The following EML1 variants were observed in gnomAD, a reference collection of about 807,000 sequenced individuals.
EML1 encodes EMAP like 1.
Under a neutral mutation model 110.4 loss-of-function variants are expected in EML1, and 27 were observed. The ratio of observed to expected loss-of-function variants is 0.24; its 90% CI spans 0.18 to 0.34. The LOEUF (loss-of-function observed/expected upper bound fraction) is 0.34. Among genes scored for constraint, EML1 ranks in the 10% least tolerant of loss-of-function variants. The pLI is 1.00. For synonymous variants in EML1, 344 were observed against 385.8 expected (o/e 0.89, Z 1.27); for missense variants, 741 against 1,030.9 (o/e 0.72, Z 3.85).
chr14:99,770,988 G>A (rs1454173822), upstream of EML1, among the ~76,000 whole-genome samples: 2 of 151,868 alleles, frequency 1.3e-5, no homozygotes, highest in African/African-American at 4.8e-5. Flanking sequence ...GTTTCACCAC[G>A]TTAGCCAGGA....
intron 1 of EML1, among the ~76,000 whole-genome samples, chr14:99,821,023 CTTTTTTTT>C (rs869159128): frequency 1.5e-5 from 2 of 133,874 alleles, no homozygotes; most frequent in African/African-American, 5.6e-5. Flanking sequence ...CTTACATTTA[CTTTTTTTT>C]TTTTTTTTTT....
In EML1 at chr14:99,936,624, A is replaced by C. The variant is rs992226739; in HGVS notation, c.2095+290A>C. 3.3e-5 allele frequency among the ~76,000 whole-genome samples: 5 copies of C among 152,124 alleles called. No individual in the cohort carries two copies. Among genetic ancestry groups the C allele is most frequent in the African/African-American group, 1.2e-4 (5 of 41,442 alleles). On this transcript the variant is annotated intron_variant, in intron 19 of 21. Transcript: ENST00000262233. The surrounding 1 kb of genome is among the most constrained non-coding windows in gnomAD (Gnocchi z 5.5). ...GGGGCTTGGGGCAGGCGGATGTGGC[A>C]GAAGGGGGCGGGTCCGGGTGGATGT...
At chr14:99,806,280 C>T (rs2057972399) in intron 1 of EML1, among the ~76,000 whole-genome samples, 1 of 151,354 alleles carries the variant, frequency 6.6e-6, no homozygotes, top group African/African-American at 2.4e-5. Flanking sequence ...CCTGCTCAGC[C>T]TCCTGTGTAA....
chr14:99,912,364 G>A (rs917725078), intron 13 of EML1, among the ~76,000 whole-genome samples: 6 of 152,010 alleles, frequency 3.9e-5, no homozygotes, highest in African/African-American at 7.2e-5. Flanking sequence ...CCTGCATTCC[G>A]GTAGGCACCA....
chr14:99,865,704 A>G, intron 3 of EML1, 58 bp downstream of exon 3: 9 of 1,570,148 alleles, frequency 5.7e-6, no homozygotes, highest in Non-Finnish European at 7.8e-6. Context: ...TTAGATTCCA[A>G]CATGAGTATT....
At chr14:99,925,330 G>A (rs1325977208) in intron 17 of EML1, among the ~76,000 whole-genome samples, 2 of 145,148 alleles carry the variant, frequency 1.4e-5, no homozygotes, top group African/African-American at 2.6e-5. Context: ...GCACAAACAC[G>A]GCACACTGCA....
intron 4 of EML1, among the ~76,000 whole-genome samples, chr14:99,885,277 CT>C (rs1329960738): frequency 3.9e-5 from 6 of 152,206 alleles, no homozygotes; most frequent in Admixed American, 2.0e-4. Flanking sequence ...TTACAGAAAC[CT>C]TCATGGTCCA....
At chr14:99,917,502 A>G (rs1394088649) in intron 15 of EML1, among the ~76,000 whole-genome samples, 2 of 152,140 alleles carry the variant, frequency 1.3e-5, no homozygotes, top group Admixed American at 1.3e-4. Context: ...TTGTGCTGCA[A>G]TAAGTCATGA....
chr14:99,851,430 C>T (rs1411494622), intron 2 of EML1, among the ~76,000 whole-genome samples: 1 of 152,132 alleles, frequency 6.6e-6, no homozygotes, highest in Non-Finnish European at 1.5e-5. Flanking sequence ...GCCTCAGCCC[C>T]ACGAGTAGCT....
chr14:99,865,449 C>G lies in EML1; in HGVS notation c.251-65C>G. 4 of 1,598,946 alleles carry G rather than the reference C, an allele frequency of 2.5e-6. No individual in the cohort carries two copies. The Admixed American group carries it at 5.1e-5, about 20-fold the overall frequency. On this transcript the variant is annotated intron_variant, in intron 2 of 21. Transcript: ENST00000262233. The stretch of plus-strand genomic sequence containing the variant: ...TCTTCCTAACAGGCAGTTGAGGACC[C>G]CTGCTGTAAAATGTTACCTTTGCAA...
chr14:99,803,099 A>G lies in EML1; in HGVS notation c.67+9556A>G, dbSNP rs1181448688. On this transcript the variant is annotated intron_variant, in intron 1 of 21. Transcript: ENST00000262233. ...CCATTAGATATAAGCTCCTCTGGGCAGACTTTCCTGGGATCGTCTCTGTGT... is the reference window on the plus strand; with the variant it reads ...CCATTAGATATAAGCTCCTCTGGGCGGACTTTCCTGGGATCGTCTCTGTGT... Among the ~76,000 whole-genome samples, 4 of 152,178 alleles carry G rather than the reference A, an allele frequency of 2.6e-5. 1 individual carries two copies. The highest frequency in any genetic ancestry group is 5.9e-5 in the Non-Finnish European group (4 of 68,042).
At chr14:99,823,109 C>T (rs896827123) in intron 1 of EML1, among the ~76,000 whole-genome samples, 3 of 152,180 alleles carry the variant, frequency 2.0e-5, no homozygotes, top group South Asian at 4.1e-4. Flanking sequence ...GTTTGAGATG[C>T]GTGATCCTGC....
chr14:99,737,752 C>T lies in EML1; in HGVS notation c.-81C>T, dbSNP rs993265157. 1.1e-5 allele frequency: 14 copies of T among 1,270,876 alleles called. No individual in the cohort carries two copies. The African/African-American group carries it at 2.0e-4, about 18-fold the overall frequency. The allele number at this position is 1,270,876 out of a possible 1,614,324, so 78.7% of individuals were successfully genotyped here. A position where few individuals can be genotyped will look rare whatever the true frequency, so the allele number is the denominator to read the frequency against. ...GGGCTGGACGCGGAGGAGCCCCAAG[C>T]CCTGCTGGGTGGGTGACAGCCGCTG... On this transcript the variant is annotated 5_prime_UTR_variant, in exon 1 of 11. Coordinates refer to the EML1 transcript ENST00000554479.
At chr14:99,789,885 C>T (rs112144955), upstream of EML1, among the ~76,000 whole-genome samples, 1,062 of 152,226 alleles carry the variant, frequency 7.0e-3, 13 homozygotes, top group African/African-American at 0.024. Context: ...CTCACAATGG[C>T]GTGGAATATC....
intron 3 of EML1, among the ~76,000 whole-genome samples, chr14:99,867,523 A>G (rs1156450261): frequency 1.3e-5 from 2 of 152,110 alleles, no homozygotes; most frequent in Non-Finnish European, 2.9e-5. Context: ...TTCTCAGTGT[A>G]TGAGTCTTCT....
chr14:99,769,422 G>C (rs1163241210), upstream of EML1, among the ~76,000 whole-genome samples: 1 of 152,178 alleles, frequency 6.6e-6, no homozygotes, highest in South Asian at 2.1e-4. Context: ...CTTGTCCTCA[G>C]TAGGCAGTGC....
chr14:99,881,850 C>T (rs903340154), intron 4 of EML1, among the ~76,000 whole-genome samples: 3 of 152,150 alleles, frequency 2.0e-5, no homozygotes, highest in Non-Finnish European at 4.4e-5. Context: ...CCGCCCACCT[C>T]GGCCTCCCAA....
chr14:99,932,281 C>T (rs2140122739), intron 17 of EML1, among the ~76,000 whole-genome samples: 1 of 152,284 alleles, frequency 6.6e-6, no homozygotes, highest in Admixed American at 6.5e-5. Flanking sequence ...CTGATTAAGC[C>T]TGTCAGAGAT....
chr14:99,838,976 A>G (rs2058590542), intron 1 of EML1: 1 of 151,498 alleles, frequency 6.6e-6, no homozygotes, highest in East Asian at 2.0e-4. Flanking sequence ...CATTCCAAAG[A>G]TTTCAAAGTC....
Sources: gnomAD v4.1 joint callset for allele counts (sites outside exome capture counted in the v4.1 genomes callset) on GRCh38, gnomAD v4.1.1 for gene constraint, Gnocchi (gnomAD v3.1) non-coding constraint, MANE v1.5 for transcripts, NCBI Gene and HGNC (gene_info 2026-07-23, HGNC 2026-07-21) for gene names.